NBEA: variants seen among roughly 807,000 people sequenced by gnomAD.
NBEA encodes the protein neurobeachin.
In NBEA, 44 loss-of-function variants were observed where a neutral mutation model predicts 343.4. The observed-to-expected ratio is 0.13, with a 90% CI of 0.10 to 0.16. The LOEUF (loss-of-function observed/expected upper bound fraction) is 0.16. Among genes scored for constraint, NBEA ranks in the 10% least tolerant of loss-of-function variants. The pLI, the probability that NBEA is intolerant of heterozygous loss-of-function variation, is 1.00. For missense variants in NBEA, 2,555 were observed against 3,631.3 expected (o/e 0.70, Z 7.62); for synonymous variants, 1,175 against 1,238.7 (o/e 0.95, Z 1.08).
chr13:35,621,646 G>C (rs2082996627), intron 48 of NBEA, among the ~76,000 whole-genome samples: 1 of 152,162 alleles, frequency 6.6e-6, no homozygotes, highest in African/African-American at 2.4e-5. Context: ...TCACAAAGCA[G>C]ATGGCCAATC....
intron 10 of NBEA, among the ~76,000 whole-genome samples, chr13:35,083,359 C>T (rs1309113707): frequency 6.6e-6 from 1 of 151,674 alleles, no homozygotes; most frequent in African/African-American, 2.4e-5. Flanking sequence ...CGTGATGCCT[C>T]CAGGGTCGGG....
At chr13:35,324,870 CCAAA>C (rs545948112) in intron 36 of NBEA, among the ~76,000 whole-genome samples, 296 of 152,050 alleles carry the variant, frequency 1.9e-3, no homozygotes, top group Admixed American at 3.8e-3. Flanking sequence ...TGTGTGGAAT[CCAAA>C]CAAACAAACA....
chr13:35,488,612 T>C (rs1371718234), intron 41 of NBEA, among the ~76,000 whole-genome samples: 6 of 151,974 alleles, frequency 3.9e-5, no homozygotes, highest in Non-Finnish European at 8.8e-5. Flanking sequence ...CACCAACATA[T>C]TGATCTACAT....
intron 10 of NBEA, among the ~76,000 whole-genome samples, chr13:35,086,418 G>A (rs947055823): frequency 6.6e-6 from 1 of 151,856 alleles, no homozygotes; most frequent in African/African-American, 2.4e-5. Flanking sequence ...TGTTTGTACC[G>A]ACTAACTAAC....
intron 7 of NBEA, 39 bp from the exon 8 acceptor site, chr13:35,058,678 T>A: frequency 6.6e-7 from 1 of 1,511,160 alleles, no homozygotes; most frequent in South Asian, 1.2e-5. Context: ...TTTTTGTCAT[T>A]AAAAATAATG....
In NBEA at chr13:35,196,154, G is replaced by A; in HGVS notation, c.5218G>A (p.Gly1740Ser). Residue 1740 changes from glycine (G) to serine (S), a missense_variant, in exon 31 of 59, where the codon GGC becomes AGC. By Grantham distance (56) the Gly-to-Ser change is moderately conservative. Transcript: ENST00000379939. The stretch of plus-strand genomic sequence containing the variant: ...CATATCTAGCATTAGTCAAACCAAA[G>A]GCATCAATGTGAAGGAAATACTGAA... ...TSISSISQTK[G>S]INVKEILKSL... 6.2e-7 allele frequency: 1 copy of A among 1,613,652 alleles called. No individual in the cohort carries two copies. Among genetic ancestry groups the A allele is most frequent in the Non-Finnish European group, 8.5e-7 (1 of 1,179,746 alleles).
chr13:35,351,539 T>C (rs1474516227), intron 37 of NBEA, among the ~76,000 whole-genome samples: 2 of 151,998 alleles, frequency 1.3e-5, no homozygotes, highest in Non-Finnish European at 2.9e-5. Context: ...AATAAGGTAG[T>C]AGTTCTCATG....
chr13:35,463,496 G>A (rs1000999263), intron 40 of NBEA, among the ~76,000 whole-genome samples: 4 of 151,946 alleles, frequency 2.6e-5, no homozygotes, highest in African/African-American at 4.8e-5. Flanking sequence ...GTGGTGGTGC[G>A]AGTCTGTGGT....
chr13:35,300,292 C>A (rs1303913876), intron 35 of NBEA, among the ~76,000 whole-genome samples: 1 of 152,016 alleles, frequency 6.6e-6, no homozygotes, highest in Non-Finnish European at 1.5e-5. Context: ...CCACTGCACT[C>A]CAGCCTGGGT....
At chr13:35,242,195 C>T (rs544683621) in intron 34 of NBEA, among the ~76,000 whole-genome samples, 1 of 151,842 alleles carries the variant, frequency 6.6e-6, no homozygotes, top group African/African-American at 2.4e-5. Flanking sequence ...GTTTTATGAA[C>T]ACAAGGAGAA....
intron 49 of NBEA, among the ~76,000 whole-genome samples, chr13:35,636,182 A>T (rs1010791877): frequency 3.9e-5 from 6 of 152,218 alleles, no homozygotes; most frequent in African/African-American, 1.4e-4. Flanking sequence ...AATTATTCAA[A>T]ACATATTGCA....
chr13:35,022,327 C>G (rs2061872390), intron 1 of NBEA, among the ~76,000 whole-genome samples: 1 of 151,966 alleles, frequency 6.6e-6, no homozygotes, highest in African/African-American at 2.4e-5. Context: ...CCTTTGTTTT[C>G]CCTTCCCTAG....
chr13:35,434,107 TG>T (rs1332163990), intron 39 of NBEA, among the ~76,000 whole-genome samples: 1 of 152,252 alleles, frequency 6.6e-6, no homozygotes, highest in East Asian at 1.9e-4. Flanking sequence ...GAAAAATGTT[TG>T]TATTTCTTCT....
At chr13:34,987,931 G>C (rs2060614188) in intron 1 of NBEA, among the ~76,000 whole-genome samples, 1 of 150,616 alleles carries the variant, frequency 6.6e-6, no homozygotes. Context: ...CCTTGCAATG[G>C]GTTTGAACAT....
intron 1 of NBEA, among the ~76,000 whole-genome samples, chr13:34,943,693 C>T (rs183785607): frequency 4.6e-5 from 7 of 152,322 alleles, no homozygotes; most frequent in African/African-American, 1.4e-4. Context: ...ATCCATCCCC[C>T]TCCATCTCAG....
intron 49 of NBEA, among the ~76,000 whole-genome samples, chr13:35,634,363 T>C (rs2083605276): frequency 6.6e-6 from 1 of 152,190 alleles, no homozygotes; most frequent in African/African-American, 2.4e-5. Context: ...TACTTTAGTG[T>C]CATTAGTTTT....
chr13:34,944,263 A>G (rs750317009), intron 1 of NBEA, among the ~76,000 whole-genome samples: 5 of 152,216 alleles, frequency 3.3e-5, no homozygotes, highest in Non-Finnish European at 7.3e-5. Flanking sequence ...TGTAACACCC[A>G]TGCAGTCATT....
At position 35,196,023 on chromosome 13, in the gene NBEA, G is replaced by T. The variant is rs1014959459; in HGVS notation, c.5087G>T (p.Gly1696Val). ...LNGAELETSTGPDAMSELLST... is the reference protein window; with the variant it reads ...LNGAELETSTVPDAMSELLST... ...GGGGCAGAATTAGAAACAAGTACAG[G>T]CCCTGATGCCATGAGTGAACTCTTA... Residue 1696 changes from glycine (G) to valine (V), a missense_variant, in exon 31 of 59, where the codon GGC becomes GTC. Gly to Val is a moderately radical substitution (Grantham distance 109). Around this residue, in one of 21 missense-constraint regions of NBEA, gnomAD observed 270 missense variants for 293.3 expected, o/e 0.92. Transcript: ENST00000379939. 1.2e-6 allele frequency: 2 copies of T among 1,613,536 alleles called. No individual in the cohort carries two copies. Among genetic ancestry groups the T allele is most frequent in the African/African-American group, 1.3e-5 (1 of 74,916 alleles).
intron 1 of NBEA, among the ~76,000 whole-genome samples, chr13:34,983,334 C>A (rs1424686337): frequency 6.6e-6 from 1 of 152,112 alleles, no homozygotes; most frequent in Non-Finnish European, 1.5e-5. Context: ...GCATCCATGT[C>A]CCTGCAAAGG....
Sources: gnomAD v4.1 joint callset for allele counts (sites outside exome capture counted in the v4.1 genomes callset) on GRCh38, gnomAD v4.1.1 for gene constraint, gnomAD v4.1.1 regional missense constraint, MANE v1.5 for transcripts, NCBI Gene and HGNC (gene_info 2026-07-23, HGNC 2026-07-21) for gene names.